Variants in RTN1 observed in about 807,000 individuals in gnomAD.
The protein encoded by RTN1 is reticulon 1, also known as reticulon-1.
RTN1 carries 25 observed loss-of-function variants against 65.5 expected under a neutral mutation model. The ratio of observed to expected loss-of-function variants is 0.38; its 90% confidence interval spans 0.28 to 0.53. The LOEUF is 0.53. Among genes scored for constraint, RTN1 ranks in the 20% least tolerant of loss-of-function variants. RTN1 has a pLI of 0.79. For synonymous variants in RTN1, 471 were observed against 447.6 expected (o/e 1.05, Z -0.66); for missense variants, 983 against 1,025.4 (o/e 0.96, Z 0.57).
At chr14:59,667,391 C>A (rs944738592) in intron 3 of RTN1, among the ~76,000 whole-genome samples, 1 of 152,144 alleles carries the variant, frequency 6.6e-6, no homozygotes, top group African/African-American at 2.4e-5. Context: ...CAGAAAAGGC[C>A]TTTGACAAAA....
chr14:59,743,974 T>C (rs1885165041), intron 2 of RTN1, among the ~76,000 whole-genome samples: 1 of 152,032 alleles, frequency 6.6e-6, no homozygotes. Context: ...ATGTAGAAAG[T>C]GTTTGTTGCG....
intron 6 of RTN1, 89 bp from the exon 7 acceptor site, chr14:59,603,347 T>G: frequency 1.0e-6 from 1 of 987,578 alleles, no homozygotes; most frequent in Non-Finnish European, 1.5e-6. Flanking sequence ...TATATGATAT[T>G]ATAGCATTAT....
rs567645579 is a variant in RTN1 at position 59,855,099 on chromosome 14, A to G, written c.241+15291T>C. ...AGATTTTGTGCATTTAGCAAACATGAGGCAATATACCTGTCAGTCTGTTTT... is the reference window on the plus strand; with the variant it reads ...AGATTTTGTGCATTTAGCAAACATGGGGCAATATACCTGTCAGTCTGTTTT... On this transcript the variant is annotated intron_variant, in intron 1 of 8. Coordinates refer to ENST00000267484, the MANE Select transcript of RTN1 (RefSeq NM_021136.3). 2.0e-5 allele frequency among the ~76,000 whole-genome samples: 3 copies of G among 152,360 alleles called. No homozygotes were observed. In the East Asian group the frequency reaches 5.8e-4, roughly 29 times the overall value.
intron 3 of RTN1, among the ~76,000 whole-genome samples, chr14:59,673,781 C>G (rs1883562857): frequency 6.6e-6 from 1 of 152,178 alleles, no homozygotes; most frequent in Non-Finnish European, 1.5e-5. Context: ...TGTTTTTAGG[C>G]TTTAAACTGT....
At chr14:59,814,136 AC>A (rs1306016894) in intron 1 of RTN1, among the ~76,000 whole-genome samples, 3 of 152,176 alleles carry the variant, frequency 2.0e-5, no homozygotes, top group Non-Finnish European at 2.9e-5. Context: ...TGGTTGCTGT[AC>A]CCTCAGATAT....
At chr14:59,646,084 A>C (rs1882889799) in intron 3 of RTN1, among the ~76,000 whole-genome samples, 1 of 152,216 alleles carries the variant, frequency 6.6e-6, no homozygotes, top group Non-Finnish European at 1.5e-5. Flanking sequence ...AATGATACCG[A>C]AGCTGACAGA....
intron 3 of RTN1, among the ~76,000 whole-genome samples, chr14:59,691,557 G>T (rs546178281): frequency 6.5e-4 from 99 of 152,198 alleles, no homozygotes; most frequent in African/African-American, 2.2e-3. Flanking sequence ...CATCGAGGAG[G>T]GGGGACTCCT....
At chr14:59,835,820 T>C (rs898392622) in intron 1 of RTN1, among the ~76,000 whole-genome samples, 10 of 152,326 alleles carry the variant, frequency 6.6e-5, no homozygotes, top group African/African-American at 2.4e-4. Context: ...GGTGTTATTA[T>C]TTTTCTATTG....
Position 59,816,896 on chromosome 14 carries a change from G to A in RTN1, c.241+53494C>T, listed in dbSNP as rs1382062515. On this transcript the variant is annotated intron_variant, in intron 1 of 8. Transcript: ENST00000267484. The surrounding 1 kb of genome is among the most constrained non-coding windows in gnomAD (Gnocchi z 4.3). ...TGCAGTGAGTCGAGATCGCGCCACTGTACTCCAGCCTGGGTGACAGAAAGA... is the reference window on the plus strand; with the variant it reads ...TGCAGTGAGTCGAGATCGCGCCACTATACTCCAGCCTGGGTGACAGAAAGA... 2.0e-5 allele frequency among the ~76,000 whole-genome samples: 3 copies of A among 152,126 alleles called. No individual in the cohort carries two copies. Among genetic ancestry groups the A allele is most frequent in the African/African-American group, 7.2e-5 (3 of 41,430 alleles).
intron 1 of RTN1, among the ~76,000 whole-genome samples, chr14:59,793,422 T>A (rs935745780): frequency 1.3e-5 from 2 of 152,134 alleles, no homozygotes; most frequent in Non-Finnish European, 2.9e-5. Flanking sequence ...CAACCTTTTT[T>A]TCTTAAGTAC....
At chr14:59,677,532 G>A (rs1160318236) in intron 3 of RTN1, among the ~76,000 whole-genome samples, 1 of 152,216 alleles carries the variant, frequency 6.6e-6, no homozygotes, top group Admixed American at 6.5e-5. Context: ...ACTGCAGTAA[G>A]TGGACAGAGC....
In RTN1 at chr14:59,820,293, C is replaced by A. The variant is rs190308797; in HGVS notation, c.241+50097G>T. On this transcript the variant is annotated intron_variant, in intron 1 of 8. Transcript: ENST00000267484. ...CTTCTTAGAGATTCTGGATATTAGA[C>A]CTTGTTAGACACATAGCTTGTGAAT... Among the ~76,000 whole-genome samples, 6 of 148,362 alleles carry A rather than the reference C, an allele frequency of 4.0e-5. No individual in the cohort carries two copies. The East Asian group carries it at 1.2e-3, about 29-fold the overall frequency.
chr14:59,771,884 A>G (rs930937429), intron 1 of RTN1, among the ~76,000 whole-genome samples: 15 of 152,240 alleles, frequency 9.9e-5, no homozygotes, highest in African/African-American at 2.9e-4. Flanking sequence ...TGCTTTTAAG[A>G]GTTATTAGAC....
intron 3 of RTN1, among the ~76,000 whole-genome samples, chr14:59,621,711 T>G (rs1440131993): frequency 6.6e-6 from 1 of 152,348 alleles, no homozygotes; most frequent in East Asian, 1.9e-4. Flanking sequence ...TATGTCAAAT[T>G]TCTAGAAAGA....
chr14:59,690,549 TGAA>T (rs1883939898), intron 3 of RTN1, among the ~76,000 whole-genome samples: 1 of 152,072 alleles, frequency 6.6e-6, no homozygotes, highest in Non-Finnish European at 1.5e-5. Flanking sequence ...AGAAAACTAA[TGAA>T]GAAATTCTGG....
intron 1 of RTN1, among the ~76,000 whole-genome samples, chr14:59,747,350 C>A (rs991023098): frequency 4.6e-5 from 7 of 152,228 alleles, no homozygotes; most frequent in Admixed American, 6.5e-5. Flanking sequence ...TGGCTCACGC[C>A]TGTAATTCCA....
intron 1 of RTN1, among the ~76,000 whole-genome samples, chr14:59,775,744 C>T (rs1051972725): frequency 4.7e-4 from 71 of 152,324 alleles, no homozygotes; most frequent in Admixed American, 1.0e-3. Context: ...AGTACATCTT[C>T]TATTCCATGT....
chr14:59,826,626 G>C (rs1410294861), intron 1 of RTN1, among the ~76,000 whole-genome samples: 1 of 152,170 alleles, frequency 6.6e-6, no homozygotes, highest in African/African-American at 2.4e-5. Context: ...GCTTCACAAA[G>C]GCCCACTTTT....
chr14:59,758,036 A>G (rs148030674), intron 1 of RTN1, among the ~76,000 whole-genome samples: 1 of 152,188 alleles, frequency 6.6e-6, no homozygotes, highest in African/African-American at 2.4e-5. Flanking sequence ...TGTTCTGCCT[A>G]TTCATCCTTT....
Sources: gnomAD v4.1 joint callset for allele counts (sites outside exome capture counted in the v4.1 genomes callset) on GRCh38, gnomAD v4.1.1 for gene constraint, Gnocchi (gnomAD v3.1) non-coding constraint, MANE v1.5 for transcripts, NCBI Gene and HGNC (gene_info 2026-07-23, HGNC 2026-07-21) for gene names.